RBFOX1: variants seen among roughly 807,000 people sequenced by gnomAD.
RBFOX1 encodes the protein RNA binding fox-1 homolog 1, also known as RNA binding protein fox-1 homolog 1.
Under a neutral mutation model 57.7 loss-of-function variants are expected in RBFOX1, and 8 were observed. The ratio of observed to expected loss-of-function variants is 0.14; its 90% CI spans 0.08 to 0.25. The LOEUF (loss-of-function observed/expected upper bound fraction) is 0.25, where lower values mean the gene tolerates loss of function less well. Ranked by LOEUF, RBFOX1 falls within the 10% of genes least tolerant of loss-of-function variation. The pLI, the probability that RBFOX1 is intolerant of heterozygous loss-of-function variation, is 1.00. For missense variants in RBFOX1, 611 were observed against 548.5 expected, an observed-to-expected ratio of 1.11 and a Z score of -1.14; for synonymous variants, 326 against 222.4, an observed-to-expected ratio of 1.47 and a Z score of -4.15.
chr16:7,146,042 G>T (rs542103766), intron 4 of RBFOX1, among the ~76,000 whole-genome samples: 1 of 152,294 alleles, frequency 6.6e-6, no homozygotes, highest in African/African-American at 2.4e-5. Context: ...GATTAAAACT[G>T]CTAACTTCCC....
At chr16:7,489,249 A>G (rs1046860950) in intron 4 of RBFOX1, among the ~76,000 whole-genome samples, 1 of 152,144 alleles carries the variant, frequency 6.6e-6, no homozygotes, top group Non-Finnish European at 1.5e-5. Flanking sequence ...ATTCAAGAGT[A>G]TTAATGGTTG....
chr16:5,843,609 G>C (rs2056680885), intron 3 of RBFOX1, among the ~76,000 whole-genome samples: 1 of 152,140 alleles, frequency 6.6e-6, no homozygotes, highest in Non-Finnish European at 1.5e-5. Flanking sequence ...GTTCACTGCA[G>C]CACTATTCAC....
chr16:7,654,012 C>CTGTT (rs2065718274), intron 12 of RBFOX1, 65 bp downstream of exon 12: 5 of 1,430,870 alleles, frequency 3.5e-6, no homozygotes, highest in African/African-American at 1.5e-5. Context: ...AGGCACGGAG[C>CTGTT]TGTTTGCGAG....
At chr16:5,679,732 G>A (rs1218765815) in intron 3 of RBFOX1, among the ~76,000 whole-genome samples, 2 of 152,124 alleles carry the variant, frequency 1.3e-5, no homozygotes, top group Admixed American at 1.3e-4. Context: ...ATGGGCTTTG[G>A]CAACACAGCC....
chr16:6,401,689 G>A (rs905623424), intron 2 of RBFOX1, among the ~76,000 whole-genome samples: 3 of 152,110 alleles, frequency 2.0e-5, no homozygotes, highest in Admixed American at 1.3e-4. Flanking sequence ...TTCCCAGAGT[G>A]ACTCCATTGT....
intron 4 of RBFOX1, among the ~76,000 whole-genome samples, chr16:7,287,752 T>C (rs896600895): frequency 6.6e-5 from 10 of 152,282 alleles, no homozygotes; most frequent in Non-Finnish European, 1.5e-4. Context: ...TGTTTAGATT[T>C]AGAAAGAGAT....
At chr16:6,823,696 T>A (rs1364041234) in intron 3 of RBFOX1, among the ~76,000 whole-genome samples, 1 of 152,206 alleles carries the variant, frequency 6.6e-6, no homozygotes, top group Non-Finnish European at 1.5e-5. Flanking sequence ...CCTTTTTCAT[T>A]CATTTGTTCA....
intron 11 of RBFOX1, among the ~76,000 whole-genome samples, chr16:7,648,969 C>G (rs1010192416): frequency 9.2e-5 from 14 of 152,120 alleles, no homozygotes; most frequent in African/African-American, 3.1e-4. Context: ...TGGAAATTAT[C>G]TTTCTAGGGA....
chr16:7,326,540 T>C (rs2096614342), intron 4 of RBFOX1, among the ~76,000 whole-genome samples: 1 of 152,070 alleles, frequency 6.6e-6, no homozygotes, highest in Non-Finnish European at 1.5e-5. Context: ...TTGAAAACAT[T>C]CTGAAGAATG....
intron 2 of RBFOX1, among the ~76,000 whole-genome samples, chr16:6,421,503 G>A (rs2093770123): frequency 6.6e-6 from 1 of 152,180 alleles, no homozygotes; most frequent in Non-Finnish European, 1.5e-5. Context: ...GGAAGGAAAT[G>A]TACTTTTTAA....
At chr16:7,159,621 C>A (rs776063531) in intron 4 of RBFOX1, among the ~76,000 whole-genome samples, 1 of 152,132 alleles carries the variant, frequency 6.6e-6, no homozygotes, top group Non-Finnish European at 1.5e-5. Flanking sequence ...AGTCATCTCC[C>A]GCTTATCGTG....
chr16:7,411,914 A>G (rs1430507072), intron 4 of RBFOX1, among the ~76,000 whole-genome samples: 2 of 151,430 alleles, frequency 1.3e-5, no homozygotes, highest in African/African-American at 2.4e-5. Flanking sequence ...AAAAAAAAAA[A>G]AAAAAAAAAA....
At chr16:6,687,166 T>G (rs747590603) in intron 3 of RBFOX1, among the ~76,000 whole-genome samples, 1 of 152,194 alleles carries the variant, frequency 6.6e-6, no homozygotes, top group Non-Finnish European at 1.5e-5. Context: ...TGAGTATCCT[T>G]TGAATTCTTG....
chr16:6,861,353 G>A (rs909363473), intron 3 of RBFOX1, among the ~76,000 whole-genome samples: 1 of 152,084 alleles, frequency 6.6e-6, no homozygotes, highest in Non-Finnish European at 1.5e-5. Flanking sequence ...TGAGTAAAGA[G>A]ATGCAGTACC....
At chr16:5,527,887 A>G (rs1036495203) in intron 2 of RBFOX1, among the ~76,000 whole-genome samples, 11 of 152,160 alleles carry the variant, frequency 7.2e-5, no homozygotes, top group African/African-American at 2.7e-4. Flanking sequence ...TATCGGTTTA[A>G]TTGTAAAACA....
intron 4 of RBFOX1, among the ~76,000 whole-genome samples, chr16:7,282,112 T>G (rs1262751229): frequency 6.6e-6 from 1 of 152,024 alleles, no homozygotes; most frequent in Non-Finnish European, 1.5e-5. Flanking sequence ...ATCCACCCAC[T>G]TCAGCCTCCC....
chr16:7,548,635 G>A (rs147599227), intron 5 of RBFOX1, among the ~76,000 whole-genome samples: 3 of 152,042 alleles, frequency 2.0e-5, no homozygotes, highest in African/African-American at 7.2e-5. Context: ...GGGCAGGAGC[G>A]GGGGGGCAGT....
intron 1 of RBFOX1, among the ~76,000 whole-genome samples, chr16:6,077,545 G>A (rs779835001): frequency 5.9e-5 from 9 of 152,050 alleles, no homozygotes; most frequent in Non-Finnish European, 1.2e-4. Context: ...CCTTTAAGAT[G>A]ATGGTTTCTA....
At chr16:7,042,119 C>T (rs1272644839) in intron 3 of RBFOX1, among the ~76,000 whole-genome samples, 6 of 152,128 alleles carry the variant, frequency 3.9e-5, no homozygotes, top group African/African-American at 1.4e-4. Context: ...TGGTTCTTAC[C>T]TCAATAAGCC....
Sources: allele counts gnomAD v4.1 joint callset (sites outside exome capture counted in the v4.1 genomes callset), GRCh38; gene constraint gnomAD v4.1.1; transcripts MANE v1.5; gene names NCBI Gene and HGNC (gene_info 2026-07-23, HGNC 2026-07-21).